Variants in CDH19 observed in about 807,000 individuals in gnomAD.
CDH19 encodes cadherin 19, also known as cadherin-19.
A neutral mutation model predicts 64.2 loss-of-function variants in CDH19; 67 were observed. That is an observed-to-expected ratio of 1.04 (90% CI 0.86 to 1.28). The LOEUF (loss-of-function observed/expected upper bound fraction) is 1.28. CDH19 is among the 50% of genes most tolerant of loss of function. The pLI, the probability that CDH19 is intolerant of heterozygous loss-of-function variation, is 0.00. For missense variants in CDH19, 1,030 were observed against 929.0 expected, an observed-to-expected ratio of 1.11 and a Z score of -1.41; for synonymous variants, 346 against 319.3, an observed-to-expected ratio of 1.08 and a Z score of -0.89.
intron 3 of CDH19, among the ~76,000 whole-genome samples, chr18:66,557,723 G>T (rs1311655166): frequency 4.0e-5 from 6 of 151,802 alleles, no homozygotes; most frequent in Admixed American, 3.3e-4. Flanking sequence ...TACATTTTTT[G>T]TGTGTGAGAA....
chr18:66,509,392 A>G (rs763138026), intron 10 of CDH19, 146 bp from the exon 11 acceptor site: 3 of 605,186 alleles, frequency 5.0e-6, no homozygotes, highest in South Asian at 2.4e-5. Context: ...CGAGAAGACA[A>G]CTAAAACATC....
chr18:66,595,989 G>A (rs8086523), intron 1 of CDH19, among the ~76,000 whole-genome samples: 51,332 of 151,852 alleles, frequency 0.34, 10,082 homozygotes, highest in Non-Finnish European at 0.45. Context: ...TTGTTTCCTG[G>A]GATGCAAGAT....
chr18:66,573,919 ACAC>A (rs1224975632), intron 1 of CDH19, among the ~76,000 whole-genome samples: 2,933 of 151,044 alleles, frequency 0.019, 102 homozygotes, highest in African/African-American at 0.068. Context: ...ACACACACAC[ACAC>A]AAGTATACAT....
At chr18:66,513,318 A>G (rs1402827512) in intron 9 of CDH19, among the ~76,000 whole-genome samples, 1 of 151,518 alleles carries the variant, frequency 6.6e-6, no homozygotes, top group Admixed American at 6.6e-5. Context: ...GCATATGTAC[A>G]GGAAACTGAA....
At chr18:66,535,814 A>T (rs1234831540) in intron 7 of CDH19, among the ~76,000 whole-genome samples, 1 of 141,562 alleles carries the variant, frequency 7.1e-6, no homozygotes, top group Non-Finnish European at 1.5e-5. Context: ...GTAATATATG[A>T]TACATATGTT....
intron 1 of CDH19, among the ~76,000 whole-genome samples, chr18:66,574,510 A>C (rs1282101048): frequency 1.3e-5 from 2 of 151,726 alleles, no homozygotes; most frequent in African/African-American, 4.8e-5. Flanking sequence ...AGAAAAAAAA[A>C]CAGTTAAACT....
intron 9 of CDH19, among the ~76,000 whole-genome samples, chr18:66,514,470 A>G (rs1985643177): frequency 6.6e-6 from 1 of 151,438 alleles, no homozygotes; most frequent in Admixed American, 6.6e-5. Flanking sequence ...CAATGAGCTA[A>G]TACTCAAATA....
chr18:66,564,384 A>G (rs1484778648), intron 3 of CDH19, among the ~76,000 whole-genome samples: 2 of 151,894 alleles, frequency 1.3e-5, no homozygotes, highest in Non-Finnish European at 2.9e-5. Context: ...CATTTTCAAA[A>G]GCATCTGGTT....
chr18:66,506,760 A>C (rs1429793298), intron 11 of CDH19, among the ~76,000 whole-genome samples: 1 of 151,882 alleles, frequency 6.6e-6, no homozygotes, highest in African/African-American at 2.4e-5. Flanking sequence ...TCAGAATTTC[A>C]CATGTAGGAT....
rs1253059773 is a variant in CDH19 at position 66,544,814 on chromosome 18, C to T, written c.865G>A (p.Ala289Thr). ...MAYDNDIGEN[A>T]EMDYSIEEDD... ...TCTTCAATGCTGTAATCCATTTCTGCATTCTCTCCTATGTCATTATCATAT... is the reference window on the plus strand; with the variant it reads ...TCTTCAATGCTGTAATCCATTTCTGTATTCTCTCCTATGTCATTATCATAT... Residue 289 changes from alanine to threonine, a missense_variant, in exon 6 of 12, where the codon GCA becomes ACA. Coordinates refer to ENST00000262150, the MANE Select transcript of CDH19 (RefSeq NM_021153.4). The T allele has an allele frequency of 6.2e-7, 1 of 1,612,488 alleles. No homozygotes were observed. Among genetic ancestry groups the T allele is most frequent in the Admixed American group, 1.7e-5 (1 of 59,998 alleles).
chr18:66,578,119 TCA>T lies in CDH19; in HGVS notation c.-112-5805_-112-5804del, dbSNP rs540439394. 1.5e-3 allele frequency among the ~76,000 whole-genome samples: 222 copies of T among 152,064 alleles called. 1 individual carries two copies. Among genetic ancestry groups the T allele is most frequent in the African/African-American group, 4.7e-3 (194 of 41,534 alleles). ...TGAATCTCATGTTTATCTACAGAGATCACAGTCTTTGGTTTTAGGTGTGAAGA... is the reference window on the plus strand; with the variant it reads ...TGAATCTCATGTTTATCTACAGAGATCAGTCTTTGGTTTTAGGTGTGAAGA... On this transcript the variant is annotated intron_variant, in intron 1 of 11. Transcript: ENST00000262150.
At chr18:66,510,807 T>C (rs1235221783) in intron 10 of CDH19, among the ~76,000 whole-genome samples, 2 of 151,432 alleles carry the variant, frequency 1.3e-5, no homozygotes, top group Non-Finnish European at 3.0e-5. Context: ...GCATTTACTC[T>C]CGTATGAAAG....
chr18:66,532,724 G>A, intron 8 of CDH19: 1 of 452,296 alleles, frequency 2.2e-6, no homozygotes, highest in Non-Finnish European at 4.4e-6. Flanking sequence ...TAGATGTGGG[G>A]AAGGATAGGA....
At chr18:66,520,433 A>G (rs1007727956) in intron 9 of CDH19, among the ~76,000 whole-genome samples, 1 of 150,120 alleles carries the variant, frequency 6.7e-6, no homozygotes, top group African/African-American at 2.4e-5. Context: ...AAAGTTACCA[A>G]TTATTTTTGG....
At chr18:66,548,522 C>CT (rs1260969399) in intron 5 of CDH19, among the ~76,000 whole-genome samples, 1 of 152,072 alleles carries the variant, frequency 6.6e-6, no homozygotes, top group East Asian at 1.9e-4. Flanking sequence ...AAAACAGAGA[C>CT]TAGTAAGACA....
At position 66,543,997 on chromosome 18, in the gene CDH19, G is replaced by A; in HGVS notation, c.1188C>T (p.Asp396=). 6.2e-7 allele frequency: 1 copy of A among 1,613,248 alleles called. No homozygotes were observed. Among genetic ancestry groups the A allele is most frequent in the African/African-American group, 1.3e-5 (1 of 74,990 alleles). Residue 396 remains aspartate (D), a synonymous_variant, in exon 7 of 12, where the codon GAC becomes GAT. Coordinates refer to ENST00000262150, the MANE Select transcript of CDH19 (RefSeq NM_021153.4). Reference sequence around the variant, plus strand: ...TGATAGGAGATTTCCTATTGTCTGGGTCTGTGGCAGACACCACGCCTACAA... The same window carrying A: ...TGATAGGAGATTTCCTATTGTCTGGATCTGTGGCAGACACCACGCCTACAA... The part of the protein sequence containing the change: ...GSFVGVVSAT[D]PDNRKSPIRY...
chr18:66,519,563 A>T (rs925485190), intron 9 of CDH19, among the ~76,000 whole-genome samples: 4 of 152,168 alleles, frequency 2.6e-5, no homozygotes, highest in African/African-American at 9.6e-5. Context: ...AAGGGGAAAC[A>T]TATTTGAATT....
chr18:66,576,209 CTA>C (rs1988262151), intron 1 of CDH19, among the ~76,000 whole-genome samples: 1 of 150,700 alleles, frequency 6.6e-6, no homozygotes, highest in African/African-American at 2.4e-5. Context: ...AATAATCACT[CTA>C]AATATTAATG....
chr18:66,574,342 A>G (rs1262770825), intron 1 of CDH19, among the ~76,000 whole-genome samples: 1 of 151,704 alleles, frequency 6.6e-6, no homozygotes, highest in African/African-American at 2.4e-5. Flanking sequence ...TTAGTAGACT[A>G]GGACACAAAA....
Sources: gnomAD v4.1 joint callset for allele counts (sites outside exome capture counted in the v4.1 genomes callset) on GRCh38, gnomAD v4.1.1 for gene constraint, MANE v1.5 for transcripts, NCBI Gene and HGNC (gene_info 2026-07-23, HGNC 2026-07-21) for gene names.